The following RAD50 variants were observed in gnomAD, a reference collection of about 807,000 sequenced individuals.
The protein encoded by RAD50 is RAD50 double strand break repair protein, also known as DNA repair protein RAD50.
Under a neutral mutation model 168.8 loss-of-function variants are expected in RAD50, and 132 were observed. That is an observed-to-expected ratio of 0.78 (90% CI 0.68 to 0.90). RAD50 has a LOEUF of 0.90. RAD50 is among the 40% of genes least tolerant of loss of function. The probability of loss-of-function intolerance (pLI) is 0.00; values close to 1 mark genes in which losing one functional copy is unlikely to be tolerated. For synonymous variants in RAD50, 525 were observed against 497.4 expected, an observed-to-expected ratio of 1.06 and a Z score of -0.74; for missense variants, 1,347 against 1,534.4, an observed-to-expected ratio of 0.88 and a Z score of 2.04.
chr5:132,598,855 C>T (rs952288628), intron 13 of RAD50, among the ~76,000 whole-genome samples: 3 of 152,184 alleles, frequency 2.0e-5, no homozygotes, highest in Admixed American at 2.0e-4. Flanking sequence ...GGTGACACTT[C>T]TTTTTCTGTT....
At chr5:132,636,834 C>T (rs1751590558) in intron 21 of RAD50, among the ~76,000 whole-genome samples, 2 of 152,010 alleles carry the variant, frequency 1.3e-5, no homozygotes, top group African/African-American at 4.8e-5. Flanking sequence ...TAAGTATTTA[C>T]GTAAAGGAGT....
In RAD50 at chr5:132,587,703, A is replaced by G. The variant is rs112441867; in HGVS notation, c.885+13A>G. On this transcript the variant is annotated intron_variant, in intron 6 of 24. Transcript: ENST00000378823. Reference sequence around the variant, plus strand: ...GAAAATGGAAAAGGTTTGTGGTGGTAGAATTTTGTTCTGCTTCAAAATTTT... The same window carrying G: ...GAAAATGGAAAAGGTTTGTGGTGGTGGAATTTTGTTCTGCTTCAAAATTTT... The G allele has an allele frequency of 5.0e-6, 8 of 1,613,596 alleles. No individual in the cohort carries two copies. The highest frequency in any genetic ancestry group is 3.3e-5 in the Admixed American group (2 of 60,006).
intron 2 of RAD50, among the ~76,000 whole-genome samples, chr5:132,570,845 A>T (rs188850819): frequency 1.5e-3 from 229 of 152,356 alleles, no homozygotes; most frequent in Non-Finnish European, 1.9e-3. Flanking sequence ...CCTAACTTTC[A>T]ACCTGTTTTG....
At chr5:132,631,464 G>T (rs774462978) in intron 21 of RAD50, among the ~76,000 whole-genome samples, 5 of 151,958 alleles carry the variant, frequency 3.3e-5, no homozygotes, top group Non-Finnish European at 5.9e-5. Context: ...ATACTACTTC[G>T]CATGAGTTAG....
chr5:132,573,405 C>A (rs1269855194), intron 2 of RAD50, among the ~76,000 whole-genome samples: 1 of 152,126 alleles, frequency 6.6e-6, no homozygotes, highest in Non-Finnish European at 1.5e-5. Context: ...ACCATCAGAT[C>A]TCGTGAGACT....
chr5:132,591,732 A>C, intron 10 of RAD50, 145 bp from the exon 11 acceptor site: 1 of 669,450 alleles, frequency 1.5e-6, no homozygotes, highest in South Asian at 2.7e-5. Flanking sequence ...TGAAGACTTT[A>C]AGAACTTTAA....
intron 9 of RAD50, among the ~76,000 whole-genome samples, chr5:132,590,748 T>A (rs1750683741): frequency 6.6e-6 from 1 of 152,226 alleles, no homozygotes; most frequent in African/African-American, 2.4e-5. Flanking sequence ...TTTTGCTCCA[T>A]AACTCACCAT....
chr5:132,605,132 T>TGC, intron 16 of RAD50, 133 bp downstream of exon 16: 1 of 576,688 alleles, frequency 1.7e-6, no homozygotes, highest in Non-Finnish European at 2.8e-6. Flanking sequence ...GCAACCTCCA[T>TGC]CTCCTGGGTT....
At chr5:132,603,743 C>T (rs1489439630) in intron 14 of RAD50, among the ~76,000 whole-genome samples, 177 bp from the exon 15 acceptor site, 2 of 152,136 alleles carry the variant, frequency 1.3e-5, no homozygotes, top group Non-Finnish European at 2.9e-5. Context: ...TTGTTTACAT[C>T]ATTTGAATTG....
chr5:132,579,304 T>A lies in RAD50; in HGVS notation c.366-13T>A, dbSNP rs774557401. ...GTTATTTTACATATATTCTTGATTTTCATTTTCTGTAGGCATGGTGAAAAG... is the reference window on the plus strand; with the variant it reads ...GTTATTTTACATATATTCTTGATTTACATTTTCTGTAGGCATGGTGAAAAG... On this transcript the variant is annotated splice_polypyrimidine_tract_variant and intron_variant, in intron 3 of 24. Transcript: ENST00000378823. 6.2e-7 allele frequency: 1 copy of A among 1,611,924 alleles called. No individual in the cohort carries two copies. Among genetic ancestry groups the A allele is most frequent in the Non-Finnish European group, 8.5e-7 (1 of 1,178,038 alleles).
intron 21 of RAD50, among the ~76,000 whole-genome samples, chr5:132,620,289 G>A (rs143868100): frequency 2.2e-4 from 33 of 152,162 alleles, no homozygotes; most frequent in Non-Finnish European, 2.9e-4. Flanking sequence ...AATTTTTTCC[G>A]TTATGAATAA....
chr5:132,619,836 CTATA>C (rs1220250912), intron 21 of RAD50, among the ~76,000 whole-genome samples: 14 of 114,404 alleles, frequency 1.2e-4, no homozygotes, highest in African/African-American at 3.9e-4. Context: ...CTCTCTCTCT[CTATA>C]TATATATATA....
intron 21 of RAD50, among the ~76,000 whole-genome samples, chr5:132,636,716 G>C (rs1303010879): frequency 1.3e-5 from 2 of 152,134 alleles, no homozygotes; most frequent in African/African-American, 2.4e-5. Context: ...CCATTCAGCA[G>C]GCCTTCCTGT....
rs752014407 is a variant in RAD50, at chr5:132,644,189, A to G, written c.*1825A>G. On this transcript the variant is annotated 3_prime_UTR_variant, in exon 25 of 25. Transcript: ENST00000378823. ...TTTGCAAGTTAAAACAGACTTCCCAATTTTAAATCTGGTTTCCCCCTGAAT... is the reference window on the plus strand; with the variant it reads ...TTTGCAAGTTAAAACAGACTTCCCAGTTTTAAATCTGGTTTCCCCCTGAAT... The G allele has an allele frequency of 2.8e-5, 5 of 178,742 alleles. No homozygotes were observed. Among genetic ancestry groups the G allele is most frequent in the East Asian group, 9.4e-5 (1 of 10,618 alleles). 11.1% of individuals were successfully genotyped at this position (178,742 alleles called of 1,614,324 possible).
chr5:132,587,038 G>A (rs576099337), intron 5 of RAD50, among the ~76,000 whole-genome samples: 224 of 152,300 alleles, frequency 1.5e-3, no homozygotes, highest in African/African-American at 5.3e-3. Context: ...GCAACCAGCT[G>A]TCTCTGGAAG....
chr5:132,624,423 T>C (rs932504312), intron 21 of RAD50, among the ~76,000 whole-genome samples: 1 of 152,240 alleles, frequency 6.6e-6, no homozygotes, highest in Admixed American at 6.5e-5. Context: ...TCTTCTCAGC[T>C]ACCTCATTTA....
At chr5:132,635,028 T>G (rs2149861696) in intron 21 of RAD50, among the ~76,000 whole-genome samples, 1 of 152,298 alleles carries the variant, frequency 6.6e-6, no homozygotes, top group East Asian at 1.9e-4. Flanking sequence ...CCTTATATAC[T>G]TGGGAGCTAG....
chr5:132,573,722 C>T (rs1750346698), intron 2 of RAD50, among the ~76,000 whole-genome samples: 1 of 152,352 alleles, frequency 6.6e-6, no homozygotes, highest in Middle Eastern at 3.4e-3. Context: ...AAGTTAGTTA[C>T]TTCTTAGATA....
intron 2 of RAD50, among the ~76,000 whole-genome samples, chr5:132,574,791 C>T (rs1277132630): frequency 6.6e-6 from 1 of 152,192 alleles, no homozygotes; most frequent in Admixed American, 6.5e-5. Flanking sequence ...CAAAGGTCCA[C>T]ACATTCCTAG....
Sources: gnomAD v4.1 joint callset for allele counts (sites outside exome capture counted in the v4.1 genomes callset) on GRCh38, gnomAD v4.1.1 for gene constraint, MANE v1.5 for transcripts, NCBI Gene and HGNC (gene_info 2026-07-23, HGNC 2026-07-21) for gene names.